Variants in AGBL1 observed in about 807,000 individuals in gnomAD.
The protein encoded by AGBL1 is AGBL carboxypeptidase 1.
A neutral mutation model predicts 118.9 loss-of-function variants in AGBL1; 130 were observed. The observed-to-expected ratio is 1.09, with a 90% CI of 0.95 to 1.26. The LOEUF (loss-of-function observed/expected upper bound fraction) is 1.26. Ranked by LOEUF, AGBL1 falls within the 50% of genes most tolerant of loss-of-function variation. AGBL1 has a pLI of 0.00. For synonymous variants in AGBL1, 555 were observed against 478.9 expected, an observed-to-expected ratio of 1.16 and a Z score of -2.08; for missense variants, 1,584 against 1,298.1, an observed-to-expected ratio of 1.22 and a Z score of -3.38.
intron 22 of AGBL1, among the ~76,000 whole-genome samples, chr15:86,804,862 T>G (rs933486657): frequency 2.5e-4 from 38 of 152,276 alleles, no homozygotes; most frequent in African/African-American, 8.7e-4. Context: ...AAACTCACTT[T>G]CCACAAAGAA....
chr15:86,574,797 C>T (rs1023931416), intron 21 of AGBL1, among the ~76,000 whole-genome samples: 6 of 149,300 alleles, frequency 4.0e-5, no homozygotes, highest in Non-Finnish European at 8.9e-5. Flanking sequence ...AGGCTGGTCT[C>T]GAACTCCTGA....
At chr15:86,649,747 C>T (rs1479473744) in intron 21 of AGBL1, among the ~76,000 whole-genome samples, 2 of 147,766 alleles carry the variant, frequency 1.4e-5, no homozygotes, top group African/African-American at 2.5e-5. Context: ...GGAGTATGCC[C>T]TTTTATTCAA....
intron 21 of AGBL1, among the ~76,000 whole-genome samples, chr15:86,663,457 TCAC>T (rs2085583332): frequency 6.6e-6 from 1 of 152,134 alleles, no homozygotes; most frequent in Non-Finnish European, 1.5e-5. Context: ...CTCCTGCTAG[TCAC>T]CACACGAGGT....
intron 21 of AGBL1, among the ~76,000 whole-genome samples, chr15:86,653,722 G>T (rs1256571599): frequency 6.6e-6 from 1 of 152,122 alleles, no homozygotes; most frequent in Non-Finnish European, 1.5e-5. Context: ...TATGAGGAAG[G>T]AAAGAGCTCA....
At chr15:86,945,008 A>G (rs781650440) in intron 23 of AGBL1, among the ~76,000 whole-genome samples, 3 of 152,186 alleles carry the variant, frequency 2.0e-5, no homozygotes, top group Non-Finnish European at 2.9e-5. Flanking sequence ...ATTGTTTACA[A>G]TGTCACAGTA....
intron 18 of AGBL1, among the ~76,000 whole-genome samples, chr15:86,460,318 CAAAAAAAAAAAAAAA>C (rs1168019827): frequency 5.5e-5 from 2 of 36,598 alleles, no homozygotes; most frequent in Non-Finnish European, 9.6e-5. Flanking sequence ...CCTATCTCTA[CAAAAAAAAAAAAAAA>C]AAAAAAAAAA....
intron 18 of AGBL1, among the ~76,000 whole-genome samples, chr15:86,404,072 C>G (rs2081487848): frequency 6.6e-6 from 1 of 152,168 alleles, no homozygotes; most frequent in Admixed American, 6.5e-5. Context: ...TCTATCAGGT[C>G]TTCCCAACCT....
chr15:86,259,715 C>G (rs1443665867), intron 9 of AGBL1, among the ~76,000 whole-genome samples: 1 of 152,200 alleles, frequency 6.6e-6, no homozygotes. Flanking sequence ...CTTGATGGTG[C>G]AGGCCTATGG....
intron 5 of AGBL1, among the ~76,000 whole-genome samples, chr15:86,163,608 A>T (rs1369628831): frequency 6.6e-6 from 1 of 151,962 alleles, no homozygotes; most frequent in Non-Finnish European, 1.5e-5. Context: ...GATTCCTGTA[A>T]TCCCAGCTAC....
intron 17 of AGBL1, among the ~76,000 whole-genome samples, chr15:86,358,842 G>C (rs531914706): frequency 6.6e-6 from 1 of 151,724 alleles, no homozygotes; most frequent in African/African-American, 2.4e-5. Context: ...GTTTATTCAG[G>C]TCCTTAGCCC....
intron 18 of AGBL1, among the ~76,000 whole-genome samples, chr15:86,408,760 G>A (rs1039780782): frequency 6.6e-6 from 1 of 152,134 alleles, no homozygotes; most frequent in Admixed American, 6.5e-5. Flanking sequence ...TCTAAGGGGA[G>A]ATGGGCAAAA....
intron 6 of AGBL1, among the ~76,000 whole-genome samples, chr15:86,235,372 A>C (rs1227020280): frequency 6.6e-6 from 1 of 152,196 alleles, no homozygotes; most frequent in Non-Finnish European, 1.5e-5. Flanking sequence ...ATCCGCATGC[A>C]CTTGTTTTGT....
intron 6 of AGBL1, among the ~76,000 whole-genome samples, chr15:86,243,567 C>T (rs2078671045): frequency 6.6e-6 from 1 of 152,134 alleles, no homozygotes; most frequent in Non-Finnish European, 1.5e-5. Flanking sequence ...CAGCATGAGG[C>T]TGGCAGCAAG....
intron 23 of AGBL1, among the ~76,000 whole-genome samples, chr15:86,983,898 A>T (rs895781703): frequency 7.9e-5 from 12 of 152,240 alleles, no homozygotes; most frequent in African/African-American, 2.9e-4. Flanking sequence ...TCTGAGTAGT[A>T]TTCCACTGTA....
At chr15:86,456,628 A>T (rs1197017703) in intron 18 of AGBL1, among the ~76,000 whole-genome samples, 1 of 152,198 alleles carries the variant, frequency 6.6e-6, no homozygotes, top group Non-Finnish European at 1.5e-5. Flanking sequence ...ATAGTCCCCA[A>T]GGAGAATAAG....
At chr15:86,343,590 T>C (rs1346792180) in intron 17 of AGBL1, among the ~76,000 whole-genome samples, 1 of 152,182 alleles carries the variant, frequency 6.6e-6, no homozygotes, top group Non-Finnish European at 1.5e-5. Flanking sequence ...CCAAATAGCA[T>C]TGAAATCATG....
intron 5 of AGBL1, among the ~76,000 whole-genome samples, chr15:86,204,160 A>G (rs1244818492): frequency 1.3e-5 from 2 of 152,126 alleles, no homozygotes; most frequent in African/African-American, 4.8e-5. Flanking sequence ...AAGCTTGTCA[A>G]GCCACTTAGA....
At chr15:86,363,107 G>A (rs955020475) in intron 17 of AGBL1, among the ~76,000 whole-genome samples, 1 of 152,040 alleles carries the variant, frequency 6.6e-6, no homozygotes, top group Non-Finnish European at 1.5e-5. Flanking sequence ...ACTGCCACTG[G>A]GACAAAGGCC....
intron 22 of AGBL1, among the ~76,000 whole-genome samples, chr15:86,839,505 A>G (rs759004095): frequency 3.9e-5 from 6 of 152,102 alleles, no homozygotes; most frequent in Non-Finnish European, 8.8e-5. Context: ...TGCTGTCCAT[A>G]TGTAGCAGGG....
Sources: allele counts gnomAD v4.1 joint callset (sites outside exome capture counted in the v4.1 genomes callset), GRCh38; gene constraint gnomAD v4.1.1; transcripts MANE v1.5; gene names NCBI Gene and HGNC (gene_info 2026-07-23, HGNC 2026-07-21).